ARNT2: variants seen among roughly 807,000 people sequenced by gnomAD.
ARNT2 encodes the protein ARNT protein 2.
A neutral mutation model predicts 91.7 loss-of-function variants in ARNT2; 36 were observed. The observed-to-expected ratio is 0.39, with a 90% confidence interval of 0.30 to 0.52. ARNT2 has a LOEUF of 0.52. Among genes scored for constraint, ARNT2 ranks in the 20% least tolerant of loss-of-function variants. The pLI, the probability that ARNT2 is intolerant of heterozygous loss-of-function variation, is 0.72. For missense variants in ARNT2, 775 were observed against 939.3 expected (o/e 0.83, Z 2.29); for synonymous variants, 365 against 347.1 (o/e 1.05, Z -0.57).
intron 6 of ARNT2, among the ~76,000 whole-genome samples, chr15:80,513,156 A>G (rs1897370753): frequency 6.6e-6 from 1 of 152,194 alleles, no homozygotes; most frequent in Non-Finnish European, 1.5e-5. Context: ...ATGCACATAA[A>G]AAATGGATAT....
intron 2 of ARNT2, among the ~76,000 whole-genome samples, chr15:80,453,320 ACCTCTCTAGGGTGCTTGT>A (rs920457963): frequency 6.6e-6 from 1 of 151,616 alleles, no homozygotes; most frequent in African/African-American, 2.4e-5. Context: ...AATGGGCTTG[ACCTCTCTAGGGTGCTTGT>A]CCTCCACCAT....
intron 10 of ARNT2, among the ~76,000 whole-genome samples, chr15:80,553,243 C>CA (rs1197292502): frequency 1.3e-5 from 2 of 151,952 alleles, no homozygotes; most frequent in Non-Finnish European, 2.9e-5. Flanking sequence ...TCATAAGAAA[C>CA]AAAAAGGCAG....
chr15:80,511,262 G>A (rs763005882), intron 6 of ARNT2, among the ~76,000 whole-genome samples: 16 of 152,076 alleles, frequency 1.1e-4, no homozygotes, highest in African/African-American at 2.2e-4. Context: ...TATTGTTAGC[G>A]AATTAACACA....
At chr15:80,443,545 C>G (rs952385934) in intron 1 of ARNT2, among the ~76,000 whole-genome samples, 8 of 152,074 alleles carry the variant, frequency 5.3e-5, no homozygotes, top group Non-Finnish European at 1.0e-4. Flanking sequence ...ATTGGAGAAG[C>G]AGCAGCGGAG....
rs138548554 is a variant in ARNT2 at position 80,548,411 on chromosome 15, C to A, written c.878-2788C>A. Among the ~76,000 whole-genome samples, 325 of 152,168 alleles carry A rather than the reference C, an allele frequency of 2.1e-3. 8 individuals are homozygous for A. The East Asian group carries it at 0.032, about 15-fold the overall frequency. On this transcript the variant is annotated intron_variant, in intron 8 of 18. Transcript: ENST00000303329. ...TGCCCACTATCTCTACTACTATTCACAATTATAATAGACATATTATCCCAT... is the reference window on the plus strand; with the variant it reads ...TGCCCACTATCTCTACTACTATTCAAAATTATAATAGACATATTATCCCAT...
intron 17 of ARNT2, among the ~76,000 whole-genome samples, chr15:80,583,017 C>T (rs568676029): frequency 3.9e-5 from 6 of 152,262 alleles, no homozygotes; most frequent in Admixed American, 2.6e-4. Flanking sequence ...CATCTGGCAC[C>T]GATCTACTCA....
At chr15:80,461,389 A>G (rs530183695) in intron 3 of ARNT2, among the ~76,000 whole-genome samples, 1 of 152,264 alleles carries the variant, frequency 6.6e-6, no homozygotes, top group East Asian at 1.9e-4. Flanking sequence ...TGGCAGAGGG[A>G]GTGAAGGGAG....
intron 1 of ARNT2, among the ~76,000 whole-genome samples, chr15:80,423,004 A>C (rs962664081): frequency 6.6e-6 from 1 of 152,192 alleles, no homozygotes; most frequent in African/African-American, 2.4e-5. Context: ...ATCATACTTT[A>C]TATTATGTAG....
chr15:80,452,267 C>A (rs1896405712), intron 2 of ARNT2, among the ~76,000 whole-genome samples: 1 of 152,248 alleles, frequency 6.6e-6, no homozygotes, highest in Admixed American at 6.5e-5. Flanking sequence ...CTGTATTCAG[C>A]ACGCTCACTT....
At chr15:80,450,759 C>T in intron 1 of ARNT2, 121 bp from the exon 2 acceptor site, 2 of 938,812 alleles carry the variant, frequency 2.1e-6, no homozygotes, top group Non-Finnish European at 3.4e-6. Context: ...AGAGCGGCCG[C>T]AGGATGCAGG....
At chr15:80,520,540 C>T (rs920136147) in intron 8 of ARNT2, among the ~76,000 whole-genome samples, 2 of 132,186 alleles carry the variant, frequency 1.5e-5, no homozygotes, top group Non-Finnish European at 3.3e-5. Flanking sequence ...GTGTAGATCT[C>T]ATGTTGTGTT....
chr15:80,419,739 C>T (rs1436831958), intron 1 of ARNT2, among the ~76,000 whole-genome samples: 2 of 152,180 alleles, frequency 1.3e-5, no homozygotes, highest in Non-Finnish European at 2.9e-5. Context: ...GTGGCAGGGT[C>T]CTGGAAAGTC....
intron 1 of ARNT2, among the ~76,000 whole-genome samples, chr15:80,405,059 G>A (rs764404863): frequency 6.6e-6 from 1 of 152,244 alleles, no homozygotes; most frequent in Non-Finnish European, 1.5e-5. Context: ...GCGACTGGCT[G>A]CTGTGTGTCC....
intron 8 of ARNT2, among the ~76,000 whole-genome samples, chr15:80,519,064 AT>A (rs1339879806): frequency 6.6e-6 from 1 of 152,186 alleles, no homozygotes; most frequent in African/African-American, 2.4e-5. Context: ...AGTTAAAAAT[AT>A]TGTTTCATTC....
chr15:80,543,139 C>G (rs932987180), intron 8 of ARNT2, among the ~76,000 whole-genome samples: 3 of 149,874 alleles, frequency 2.0e-5, no homozygotes, highest in African/African-American at 7.4e-5. Context: ...GCGTATATGC[C>G]TCTTGCCTTC....
At chr15:80,439,548 C>T (rs1458428462) in intron 1 of ARNT2, among the ~76,000 whole-genome samples, 1 of 152,206 alleles carries the variant, frequency 6.6e-6, no homozygotes, top group Non-Finnish European at 1.5e-5. Context: ...TTTCCTATAA[C>T]ATTATCTTTG....
At chr15:80,508,385 C>T in intron 6 of ARNT2, 127 bp downstream of exon 6, 1 of 772,516 alleles carries the variant, frequency 1.3e-6, no homozygotes, top group South Asian at 1.6e-5. Context: ...GGGACTTCGT[C>T]TTCTTGACCT....
intron 4 of ARNT2, among the ~76,000 whole-genome samples, chr15:80,473,977 C>G (rs1203965257): frequency 2.0e-5 from 3 of 152,138 alleles, no homozygotes; most frequent in Non-Finnish European, 4.4e-5. Context: ...TCCTCTGGAG[C>G]CTGAACAGTA....
intron 5 of ARNT2, among the ~76,000 whole-genome samples, chr15:80,494,846 C>G (rs181068945): frequency 4.1e-4 from 63 of 152,266 alleles, no homozygotes; most frequent in African/African-American, 1.5e-3. Context: ...TTTCATTGCT[C>G]ATGAGATGAT....
Sources: allele counts gnomAD v4.1 joint callset (sites outside exome capture counted in the v4.1 genomes callset), GRCh38; gene constraint gnomAD v4.1.1; transcripts MANE v1.5; gene names NCBI Gene and HGNC (gene_info 2026-07-23, HGNC 2026-07-21).